Variants in TMEM62 observed in about 807,000 individuals in gnomAD.
TMEM62 encodes transmembrane protein 62.
Under a neutral mutation model 70.4 loss-of-function variants are expected in TMEM62, and 41 were observed. The observed-to-expected ratio is 0.58, with a 90% CI of 0.45 to 0.76. The LOEUF (loss-of-function observed/expected upper bound fraction) is 0.76, where lower values mean the gene tolerates loss of function less well. TMEM62 is among the 30% of genes least tolerant of loss of function. The pLI is 0.00. For missense variants in TMEM62, 688 were observed against 788.5 expected, an observed-to-expected ratio of 0.87 and a Z score of 1.53; for synonymous variants, 268 against 291.0, an observed-to-expected ratio of 0.92 and a Z score of 0.80.
intron 5 of TMEM62, 51 bp downstream of exon 5, chr15:43,146,685 T>C: frequency 6.8e-7 from 1 of 1,480,936 alleles, no homozygotes; most frequent in Non-Finnish European, 9.2e-7. Flanking sequence ...TTTTCATGGA[T>C]ACGTGTGGAT....
intron 13 of TMEM62, 55 bp downstream of exon 13, chr15:43,181,354 A>C (rs1215465931): frequency 8.9e-7 from 1 of 1,120,090 alleles, no homozygotes; most frequent in Non-Finnish European, 1.4e-6. Context: ...GACTAATTGC[A>C]TAACAGTTAT....
In TMEM62 at chr15:43,133,781, C is replaced by G; in HGVS notation, c.-22C>G. The G allele has an allele frequency of 7.4e-7, 1 of 1,348,266 alleles. No individual in the cohort carries two copies. The highest frequency in any genetic ancestry group is 9.4e-7 in the Non-Finnish European group (1 of 1,059,108). The allele number at this position is 1,348,266 out of a possible 1,614,324, so 83.5% of individuals were successfully genotyped here. The stretch of plus-strand genomic sequence containing the variant: ...GGTCCTGCGCGGGATCAGCGAGGGC[C>G]GCGCCCCGGCGGGCGGGCGGCATGG... On this transcript the variant is annotated 5_prime_UTR_variant, in exon 1 of 14. Coordinates refer to ENST00000260403, the MANE Select transcript of TMEM62 (RefSeq NM_024956.4).
In TMEM62 at chr15:43,152,722, A is replaced by C. The variant is rs147333097; in HGVS notation, c.1022+777A>C. ...GAATTTGATTATATAGATTAATAGA[A>C]TCCAAATGGGACATTAACATTCTTT... On this transcript the variant is annotated intron_variant, in intron 8 of 13. Transcript: ENST00000260403. 4.4e-3 allele frequency among the ~76,000 whole-genome samples: 674 copies of C among 152,276 alleles called. 4 individuals carry two copies. The highest frequency in any genetic ancestry group is 0.016 in the African/African-American group (645 of 41,550).
intron 11 of TMEM62, among the ~76,000 whole-genome samples, chr15:43,175,855 G>A (rs561051425): frequency 3.3e-5 from 5 of 152,300 alleles, no homozygotes; most frequent in South Asian, 2.1e-4. Flanking sequence ...CCAGCGCACC[G>A]TGCGTGAGCC....
rs1002603957 is a variant in TMEM62 at position 43,133,868 on chromosome 15, C to T, written c.66C>T (p.Leu22=). The T allele has an allele frequency of 6.7e-7, 1 of 1,497,536 alleles. No individual in the cohort carries two copies. The highest frequency in any genetic ancestry group is 8.8e-7 in the Non-Finnish European group (1 of 1,131,870). The allele number at this position is 1,497,536 out of a possible 1,614,324, so 92.8% of individuals were successfully genotyped here. ...GLAAAALVAM[L]LEHYGLAGQP... ...CGGCCGCAGCGCTGGTGGCCATGCTCTTGGAGCACTACGGCCTGGCGGGCC... is the reference window on the plus strand; with the variant it reads ...CGGCCGCAGCGCTGGTGGCCATGCTTTTGGAGCACTACGGCCTGGCGGGCC... The change falls in exon 1 of 14, where the codon CTC becomes CTT. Residue 22 remains leucine (L), a synonymous_variant. Coordinates refer to ENST00000260403, the MANE Select transcript of TMEM62 (RefSeq NM_024956.4).
In TMEM62 at chr15:43,139,002, C is replaced by T. The variant is rs552784458; in HGVS notation, c.476+383C>T. Among the ~76,000 whole-genome samples the T allele has an allele frequency of 2.0e-5, 3 of 152,224 alleles. No homozygotes were observed. In the South Asian group the frequency reaches 6.2e-4, roughly 32 times the overall value. ...AGGCATACCTCGTTTTATTATGCTTCGCCTTATTGCACTTTGCAGATGTTG... is the reference window on the plus strand; with the variant it reads ...AGGCATACCTCGTTTTATTATGCTTTGCCTTATTGCACTTTGCAGATGTTG... On this transcript the variant is annotated intron_variant, in intron 4 of 13. Coordinates refer to ENST00000260403, the MANE Select transcript of TMEM62 (RefSeq NM_024956.4).
At chr15:43,167,064 C>T (rs573424740) in intron 10 of TMEM62, among the ~76,000 whole-genome samples, 33 of 152,282 alleles carry the variant, frequency 2.2e-4, no homozygotes, top group East Asian at 1.4e-3. Context: ...ACCTCCCAGA[C>T]GGGGTGGTGG....
chr15:43,147,013 G>C (rs2139652), intron 5 of TMEM62, among the ~76,000 whole-genome samples: 80,171 of 152,084 alleles, frequency 0.53, 25,681 homozygotes, highest in Non-Finnish European at 0.68. Context: ...GGCCAGGCTG[G>C]AGTGCAGTGG....
intron 4 of TMEM62, among the ~76,000 whole-genome samples, chr15:43,143,368 A>C (rs1274110836): frequency 1.3e-5 from 2 of 152,210 alleles, no homozygotes; most frequent in Non-Finnish European, 2.9e-5. Context: ...AGCCGTAAAC[A>C]TAACTTTCAT....
intron 10 of TMEM62, among the ~76,000 whole-genome samples, chr15:43,165,714 C>T (rs557225173): frequency 2.0e-4 from 30 of 150,106 alleles, no homozygotes; most frequent in Admixed American, 2.0e-3. Flanking sequence ...GCCTGGGTAA[C>T]AGAGCAAGAC....
rs1379672458 is a variant in TMEM62 at position 43,133,601 on chromosome 15, G to A, written c.-202G>A. The A allele has an allele frequency of 2.6e-6, 1 of 380,670 alleles. No homozygotes were observed. The highest frequency in any genetic ancestry group is 2.1e-5 in the African/African-American group (1 of 47,804). 23.6% of individuals were successfully genotyped at this position (380,670 alleles called of 1,614,324 possible). ...GAGCCCAGTCACTTGCGCGGCCAGA[G>A]AGGGGCAGGTGCTGGGCGGCGGCTG... On this transcript the variant is annotated 5_prime_UTR_variant, in exon 1 of 14. Transcript: ENST00000260403.
At chr15:43,167,272 C>A (rs974093297) in intron 10 of TMEM62, among the ~76,000 whole-genome samples, 7 of 151,428 alleles carry the variant, frequency 4.6e-5, no homozygotes, top group African/African-American at 1.7e-4. Context: ...CTGACCCCCC[C>A]ACCTCCCTCC....
At chr15:43,167,240 G>GCC in intron 10 of TMEM62, among the ~76,000 whole-genome samples, 1 of 151,776 alleles carries the variant, frequency 6.6e-6, no homozygotes, top group South Asian at 2.1e-4. Flanking sequence ...CTCCCGGATG[G>GCC]GGCGGCTGGC....
chr15:43,143,117 A>G (rs1372232041), intron 4 of TMEM62, among the ~76,000 whole-genome samples: 1 of 151,904 alleles, frequency 6.6e-6, no homozygotes, highest in Non-Finnish European at 1.5e-5. Flanking sequence ...GCTGGAGTGC[A>G]GTGGCACCAT....
chr15:43,168,456 C>T (rs1299467380), intron 10 of TMEM62, among the ~76,000 whole-genome samples: 1 of 152,086 alleles, frequency 6.6e-6, no homozygotes, highest in Non-Finnish European at 1.5e-5. Context: ...AGGACATGGT[C>T]TTTCTCTTCA....
At chr15:43,135,251 A>T (rs1407940310) in intron 2 of TMEM62, among the ~76,000 whole-genome samples, 1 of 152,218 alleles carries the variant, frequency 6.6e-6, no homozygotes, top group African/African-American at 2.4e-5. Flanking sequence ...TGTTCTCTTT[A>T]AAGATTTTTT....
intron 10 of TMEM62, among the ~76,000 whole-genome samples, chr15:43,168,819 C>T (rs1242780297): frequency 6.6e-6 from 1 of 152,208 alleles, no homozygotes; most frequent in Admixed American, 6.5e-5. Context: ...GCTTGACTGC[C>T]TTTCAAGTTT....
In TMEM62 at chr15:43,148,878, A is replaced by T. The variant is rs2037008669; in HGVS notation, c.742A>T (p.Ser248Cys). The T allele has an allele frequency of 1.2e-6, 2 of 1,608,972 alleles. No homozygotes were observed. Among genetic ancestry groups the T allele is most frequent in the Non-Finnish European group, 8.5e-7 (1 of 1,178,600 alleles). The stretch of plus-strand genomic sequence containing the variant: ...ATCACCAGGAATCCGGTCAATAATG[A>T]GGTGAGACAAGCTTCCAAAATCAGA... ...SPSPGIRSIM[S>C]SAIAYLCGHL... The change falls in exon 6 of 14, where the codon AGT becomes TGT. Residue 248 changes from serine (S) to cysteine (C), a missense_variant and splice_region_variant. Physicochemically the swap from Ser to Cys is moderately radical, Grantham distance 112 (BLOSUM62 -1). Coordinates refer to ENST00000260403, the MANE Select transcript of TMEM62 (RefSeq NM_024956.4).
intron 4 of TMEM62, among the ~76,000 whole-genome samples, chr15:43,142,459 G>A (rs189241287): frequency 7.9e-5 from 12 of 151,332 alleles, no homozygotes; most frequent in African/African-American, 1.5e-4. Context: ...CACCGCGCCC[G>A]GCCAAGAAAT....
Sources: allele counts gnomAD v4.1 joint callset (sites outside exome capture counted in the v4.1 genomes callset), GRCh38; gene constraint gnomAD v4.1.1; transcripts MANE v1.5; gene names NCBI Gene and HGNC (gene_info 2026-07-23, HGNC 2026-07-21).